Variants in STPG2 observed in about 807,000 individuals in gnomAD.
The protein encoded by STPG2 is sperm tail PG-rich repeat containing 2.
Under a neutral mutation model 54.2 loss-of-function variants are expected in STPG2, and 56 were observed. The observed-to-expected ratio is 1.03, with a 90% CI of 0.83 to 1.29. The LOEUF (loss-of-function observed/expected upper bound fraction) is 1.29, where lower values mean the gene tolerates loss of function less well. Among genes scored for constraint, STPG2 ranks in the 50% most tolerant of loss-of-function variants. The pLI is 0.00. For synonymous variants in STPG2, 200 were observed against 181.8 expected (o/e 1.10, Z -0.81); for missense variants, 596 against 544.9 (o/e 1.09, Z -0.93).
chr4:97,690,338 T>C (rs1238051174), intron 10 of STPG2, among the ~76,000 whole-genome samples: 1 of 152,152 alleles, frequency 6.6e-6, no homozygotes, highest in Non-Finnish European at 1.5e-5. Flanking sequence ...CAAAATGGAC[T>C]ATGTTACAAA....
chr4:97,569,138 T>C (rs1732533998), intron 10 of STPG2, among the ~76,000 whole-genome samples: 1 of 152,238 alleles, frequency 6.6e-6, no homozygotes. Context: ...TGCTAAACAA[T>C]TGGTGGATTA....
intron 7 of STPG2, among the ~76,000 whole-genome samples, chr4:97,944,835 C>A (rs148435460): frequency 1.8e-3 from 280 of 152,226 alleles, no homozygotes; most frequent in African/African-American, 6.6e-3. Context: ...TGCCTCTACC[C>A]AAAATGCTGA....
At chr4:98,025,443 T>G (rs1736383513) in intron 5 of STPG2, 5 of 455,428 alleles carry the variant, frequency 1.1e-5, no homozygotes, top group South Asian at 9.2e-5. Context: ...CAAGTGAAAT[T>G]TAGAAGACGA....
intron 10 of STPG2, among the ~76,000 whole-genome samples, chr4:97,689,495 A>G (rs1041572222): frequency 7.2e-5 from 11 of 152,154 alleles, no homozygotes; most frequent in Admixed American, 4.6e-4. Context: ...GATTTTGTAT[A>G]CAAAAACAAT....
rs182277973 is a variant in STPG2 at position 97,972,486 on chromosome 4, T to C, written c.773-46A>G. 6,423 of 1,179,738 alleles carry C rather than the reference T, an allele frequency of 5.4e-3. 41 individuals carry two copies. The highest frequency in any genetic ancestry group is 0.028 in the South Asian group (1,323 of 46,884). 73.1% of individuals were successfully genotyped at this position (1,179,738 alleles called of 1,614,324 possible). ...ATATATAAGAATAAGCATGCTTTTA[T>C]ATGCACCTTTTGAACTGAGTAATTT... is the stretch of plus-strand genomic sequence containing the variant. On this transcript the variant is annotated intron_variant, in intron 6 of 10. Transcript: ENST00000295268.
intron 9 of STPG2, among the ~76,000 whole-genome samples, chr4:97,795,697 T>A (rs1007596700): frequency 6.6e-6 from 1 of 152,234 alleles, no homozygotes; most frequent in Non-Finnish European, 1.5e-5. Flanking sequence ...TGATTTATAA[T>A]CCTTTGGGTA....
chr4:97,999,308 C>T (rs1429087651), intron 5 of STPG2, among the ~76,000 whole-genome samples: 1 of 152,186 alleles, frequency 6.6e-6, no homozygotes, highest in Non-Finnish European at 1.5e-5. Context: ...TAGCACAATC[C>T]TAGTTACCAA....
chr4:97,901,130 A>T (rs1731161234), intron 8 of STPG2, among the ~76,000 whole-genome samples: 1 of 151,910 alleles, frequency 6.6e-6, no homozygotes, highest in Non-Finnish European at 1.5e-5. Flanking sequence ...AGAATTAACA[A>T]ATTTAGGATG....
At chr4:98,115,928 T>G (rs1253220941) in intron 3 of STPG2, among the ~76,000 whole-genome samples, 1 of 151,852 alleles carries the variant, frequency 6.6e-6, no homozygotes, top group Non-Finnish European at 1.5e-5. Context: ...TGAATCTTCT[T>G]GAATATTATG....
chr4:97,755,727 T>C (rs940536332), intron 9 of STPG2, among the ~76,000 whole-genome samples: 1 of 152,200 alleles, frequency 6.6e-6, no homozygotes, highest in Non-Finnish European at 1.5e-5. Flanking sequence ...CGCTACAGAC[T>C]GATCAAAAGC....
chr4:98,083,044 T>C (rs1738399507), intron 5 of STPG2, among the ~76,000 whole-genome samples: 1 of 152,092 alleles, frequency 6.6e-6, no homozygotes, highest in South Asian at 2.1e-4. Flanking sequence ...AAGAATAAGA[T>C]CAAAATTTCT....
chr4:97,825,805 T>G (rs556463296), intron 9 of STPG2, among the ~76,000 whole-genome samples: 1 of 152,116 alleles, frequency 6.6e-6, no homozygotes, highest in African/African-American at 2.4e-5. Flanking sequence ...ATCAGAAAAA[T>G]AAAAAGTGTA....
At chr4:97,453,226 G>A (rs1277522150) in intron 4 of STPG2, among the ~76,000 whole-genome samples, 1 of 152,202 alleles carries the variant, frequency 6.6e-6, no homozygotes, top group Non-Finnish European at 1.5e-5. Context: ...GAAGCTGCTT[G>A]TGGTGCACCT....
chr4:97,568,608 C>T (rs992686001), intron 10 of STPG2, among the ~76,000 whole-genome samples: 38 of 151,752 alleles, frequency 2.5e-4, no homozygotes, highest in African/African-American at 8.5e-4. Flanking sequence ...TACTATTACC[C>T]ACTAAAAAAC....
intron 10 of STPG2, among the ~76,000 whole-genome samples, chr4:97,639,391 G>A (rs1490711640): frequency 1.3e-5 from 2 of 151,974 alleles, no homozygotes; most frequent in Non-Finnish European, 2.9e-5. Context: ...TATACCTAAT[G>A]CTAGGTGACG....
chr4:98,020,826 C>T (rs1433191464), intron 5 of STPG2, among the ~76,000 whole-genome samples: 3 of 152,158 alleles, frequency 2.0e-5, no homozygotes, highest in Non-Finnish European at 4.4e-5. Flanking sequence ...GTAGTATTCT[C>T]TGATGGTAGT....
intron 7 of STPG2, among the ~76,000 whole-genome samples, chr4:97,966,183 C>A (rs1225410464): frequency 6.6e-6 from 1 of 152,120 alleles, no homozygotes; most frequent in African/African-American, 2.4e-5. Context: ...TAGAGAAGAC[C>A]TTACGTGACC....
intron 5 of STPG2, among the ~76,000 whole-genome samples, chr4:98,067,565 T>C (rs912631090): frequency 3.3e-5 from 5 of 152,180 alleles, no homozygotes; most frequent in African/African-American, 1.2e-4. Context: ...ATTTATTTGC[T>C]TCGTAAAGTT....
chr4:97,524,274 T>C (rs1317326773), intron 4 of STPG2, among the ~76,000 whole-genome samples: 2 of 152,020 alleles, frequency 1.3e-5, no homozygotes, highest in African/African-American at 2.4e-5. Context: ...AGTAAAATTA[T>C]TTCAATAAAT....
Sources: allele counts gnomAD v4.1 joint callset (sites outside exome capture counted in the v4.1 genomes callset), GRCh38; gene constraint gnomAD v4.1.1; transcripts MANE v1.5; gene names NCBI Gene and HGNC (gene_info 2026-07-23, HGNC 2026-07-21).